Variants in SLC34A1 observed in about 807,000 individuals in gnomAD.
SLC34A1 encodes the protein sodium-dependent phosphate transport protein 2A.
SLC34A1 carries 57 observed loss-of-function variants against 51.4 expected under a neutral mutation model. That is an observed-to-expected ratio of 1.11 (90% CI 0.90 to 1.38). The LOEUF is 1.38. SLC34A1 is among the 40% of genes most tolerant of loss of function. The pLI is 0.00. For missense variants in SLC34A1, 796 were observed against 835.6 expected, an observed-to-expected ratio of 0.95 and a Z score of 0.58; for synonymous variants, 368 against 358.0, an observed-to-expected ratio of 1.03 and a Z score of -0.32.
At position 177,385,673 on chromosome 5, in the gene SLC34A1, G is replaced by A. The variant is rs533877403; in HGVS notation, c.-47-22G>A. ...GAGGGTGTGTGGGCATGAGTGTCCCGGACACAGCTATTGTCATTCAGCGTT... is the reference window on the plus strand; with the variant it reads ...GAGGGTGTGTGGGCATGAGTGTCCCAGACACAGCTATTGTCATTCAGCGTT... On this transcript the variant is annotated intron_variant, in intron 1 of 12. Transcript: ENST00000324417. The A allele has an allele frequency of 2.2e-4, 248 of 1,153,058 alleles. 3 individuals carry two copies. The highest frequency in any genetic ancestry group is 1.1e-3 in the South Asian group (87 of 77,496). 71.4% of individuals were successfully genotyped at this position (1,153,058 alleles called of 1,614,324 possible).
chr5:177,396,990 A>G lies in SLC34A1; in HGVS notation c.1332A>G (p.Thr444=). The G allele has an allele frequency of 1.2e-6, 2 of 1,614,118 alleles. No individual in the cohort carries two copies. Among genetic ancestry groups the G allele is most frequent in the Non-Finnish European group, 1.7e-6 (2 of 1,180,004 alleles). The change falls in exon 12 of 13, where the codon ACA becomes ACG. Residue 444 remains threonine (T), a synonymous_variant. Transcript: ENST00000324417. The surrounding 1 kb of genome is among the most constrained non-coding windows in gnomAD (Gnocchi z 4.0). ...VISIERAYPL[T]LGSNIGTTTT... ...GCATTGAGAGGGCCTACCCGCTCAC[A>G]CTGGGTTCCAACATCGGCACCACCA...
chr5:177,389,828 G>A (rs1349241990), intron 8 of SLC34A1: 11 of 1,502,592 alleles, frequency 7.3e-6, no homozygotes, highest in South Asian at 3.7e-5. Flanking sequence ...TGGGGAGGCC[G>A]CCCTTGGGCC....
At chr5:177,394,269 C>T in intron 10 of SLC34A1, 74 bp downstream of exon 10, 2 of 1,493,254 alleles carry the variant, frequency 1.3e-6, no homozygotes, top group South Asian at 2.3e-5. Flanking sequence ...CTGTGACTGC[C>T]TTGATCTGGG....
At chr5:177,394,688 C>CT (rs34736156) in intron 10 of SLC34A1, among the ~76,000 whole-genome samples, 2,669 of 105,028 alleles carry the variant, frequency 0.025, 51 homozygotes, top group Non-Finnish European at 0.035. Context: ...GAGACTTTGT[C>CT]TTTTTTTTTT....
In SLC34A1 at chr5:177,396,829, C is replaced by G; in HGVS notation, c.1271C>G (p.Ser424Trp). ...FVVQSSSVFTSAITPLIGLGV... is the reference protein window; with the variant it reads ...FVVQSSSVFTWAITPLIGLGV... ...GTCCAGAGCAGTTCTGTGTTCACCT[C>G]GGCCATCACCCCACTCATCGGTGAG... is the stretch of plus-strand genomic sequence containing the variant. The change falls in exon 11 of 13, where the codon TCG becomes TGG. Residue 424 changes from serine to tryptophan, a missense_variant. Physicochemically the swap from Ser to Trp is radical, Grantham distance 177. Transcript: ENST00000324417. This position sits in a 1 kb window ranked among gnomAD's most constrained non-coding sequence, Gnocchi z 4.0. 1.2e-6 allele frequency: 2 copies of G among 1,614,248 alleles called. No homozygotes were observed. The highest frequency in any genetic ancestry group is 1.7e-6 in the Non-Finnish European group (2 of 1,180,054).
intron 1 of SLC34A1, among the ~76,000 whole-genome samples, chr5:177,385,139 G>A (rs922518132): frequency 2.0e-5 from 3 of 152,148 alleles, no homozygotes; most frequent in Admixed American, 2.0e-4. Flanking sequence ...GGGGATCTCC[G>A]TGTGTGCCCA....
Position 177,398,006 on chromosome 5 carries a change from C to A in SLC34A1, c.1640C>A (p.Pro547His), listed in dbSNP as rs1347160045. Residue 547 changes from proline (P) to histidine (H), a missense_variant, in exon 13 of 13, where the codon CCC becomes CAC. By Grantham distance (77) the Pro-to-His change is moderately conservative. Transcript: ENST00000324417. This position sits in a 1 kb window ranked among gnomAD's most constrained non-coding sequence, Gnocchi z 4.7. ...GWQVMVGVGT[P>H]FGALLAFVVL... is the part of the protein sequence containing the mutation. ...CAGGTCATGGTAGGTGTGGGCACGC[C>A]CTTCGGGGCCCTGCTGGCCTTCGTG... 2 of 1,613,958 alleles carry A rather than the reference C, an allele frequency of 1.2e-6. No homozygotes were observed. Among genetic ancestry groups the A allele is most frequent in the Non-Finnish European group, 1.7e-6 (2 of 1,179,992 alleles).
chr5:177,388,957 T>C lies in SLC34A1; in HGVS notation c.936+585T>C, dbSNP rs1762701805. ...AACGTGGGGAAGAGGCAGAGTGCTA[T>C]AAGGATACCAAGGAAAGTAACAGGA... On this transcript the variant is annotated intron_variant, in intron 8 of 12. Transcript: ENST00000324417. This position sits in a 1 kb window ranked among gnomAD's most constrained non-coding sequence, Gnocchi z 4.3. Among the ~76,000 whole-genome samples the C allele has an allele frequency of 6.6e-6, 1 of 152,122 alleles. No individual in the cohort carries two copies. The highest frequency in any genetic ancestry group is 2.4e-5 in the African/African-American group (1 of 41,408).
Position 177,386,696 on chromosome 5 carries a change from C to T in SLC34A1, c.532+130C>T. The T allele has an allele frequency of 9.1e-7, 1 of 1,097,932 alleles. No homozygotes were observed. The highest frequency in any genetic ancestry group is 1.3e-5 in the South Asian group (1 of 77,646). The allele number at this position is 1,097,932 out of a possible 1,614,324, so 68.0% of individuals were successfully genotyped here. On this transcript the variant is annotated intron_variant, in intron 5 of 12. Transcript: ENST00000324417. This position sits in a 1 kb window ranked among gnomAD's most constrained non-coding sequence, Gnocchi z 4.8. ...GCTTGACTCCTGTATCAGCCAGGGA[C>T]ATGAGAGGAGCCCAACTGTAGCTGT...
intron 12 of SLC34A1, chr5:177,397,325 GAAGAGGAAGAGGCACTACAAAAGA>G (rs1763003843): frequency 1.8e-6 from 1 of 543,592 alleles, no homozygotes; most frequent in Non-Finnish European, 3.3e-6. Context: ...TAAGGAAGAG[GAAGAGGAAGAGGCACTACAAAAGA>G]GGGCCTGGAG....
At chr5:177,390,683 G>GT (rs1762771927) in intron 8 of SLC34A1, among the ~76,000 whole-genome samples, 2 of 151,866 alleles carry the variant, frequency 1.3e-5, no homozygotes, top group Admixed American at 1.3e-4. Context: ...CCACCAGGTG[G>GT]TGCTGCTGGC....
intron 12 of SLC34A1, chr5:177,397,459 T>C (rs966441774): frequency 2.7e-5 from 14 of 513,286 alleles, no homozygotes; most frequent in Admixed American, 1.9e-4. Context: ...ACTGACTGAA[T>C]GAGGGTCCAG....
At chr5:177,390,166 G>A in intron 8 of SLC34A1, 5 of 1,010,162 alleles carry the variant, frequency 4.9e-6, no homozygotes, top group Non-Finnish European at 4.7e-6. Context: ...TGCTGGACCT[G>A]AACCAGCCCG....
intron 8 of SLC34A1, among the ~76,000 whole-genome samples, chr5:177,392,105 T>C (rs1023320021): frequency 6.6e-6 from 1 of 152,168 alleles, no homozygotes; most frequent in Non-Finnish European, 1.5e-5. Flanking sequence ...GAAGAGCACA[T>C]TGCCCCATTC....
At position 177,386,041 on chromosome 5, in the gene SLC34A1, T is replaced by C. The variant is rs746337181; in HGVS notation, c.164T>C (p.Val55Ala). The stretch of plus-strand genomic sequence containing the variant: ...TATGCCTTCCCCAGCCTGGGCCCTG[T>C]GGCCCTTGCTGAGCACACCTGCCCC... ...SAYAFPSLGP[V>A]ALAEHTCPCG... Residue 55 changes from valine to alanine, a missense_variant, in exon 3 of 13, where the codon GTG becomes GCG. Physicochemically the swap from Val to Ala is moderately conservative, Grantham distance 64 (BLOSUM62 0). Coordinates refer to ENST00000324417, the MANE Select transcript of SLC34A1 (RefSeq NM_003052.5). This position sits in a 1 kb window ranked among gnomAD's most constrained non-coding sequence, Gnocchi z 4.8. 9 of 1,609,240 alleles carry C rather than the reference T, an allele frequency of 5.6e-6. No homozygotes were observed. The South Asian group carries it at 9.9e-5, about 18-fold the overall frequency.
In SLC34A1 at chr5:177,394,049, C is replaced by G; in HGVS notation, c.1028C>G (p.Thr343Ser). The change falls in exon 10 of 13, where the codon ACT (threonine) becomes AGT (serine). Residue 343 changes from threonine to serine, a missense_variant. Physicochemically the swap from Thr to Ser is moderately conservative, Grantham distance 58. Coordinates refer to ENST00000324417, the MANE Select transcript of SLC34A1 (RefSeq NM_003052.5). ...MEKCNHIFVD[T>S]GLPDLAVGLI... is the part of the protein sequence containing the mutation. ...GCAGGCAACCACATCTTTGTGGACA[C>G]TGGCCTACCGGACCTGGCTGTGGGG... 1 of 1,614,072 alleles carries G rather than the reference C, an allele frequency of 6.2e-7. No homozygotes were observed. The highest frequency in any genetic ancestry group is 8.5e-7 in the Non-Finnish European group (1 of 1,180,048).
At chr5:177,389,925 G>A in intron 8 of SLC34A1, 1 of 1,421,040 alleles carries the variant, frequency 7.0e-7, no homozygotes, top group Non-Finnish European at 9.2e-7. Context: ...GCTTTCTGCA[G>A]GGCAGGGTCT....
chr5:177,390,587 G>A, intron 8 of SLC34A1: 1 of 166,080 alleles, frequency 6.0e-6, no homozygotes, highest in Non-Finnish European at 1.2e-5. Context: ...TGCCCATCAG[G>A]CCTGAAGGCC....
At chr5:177,390,567 C>T (rs1316662861) in intron 8 of SLC34A1, 4 of 189,554 alleles carry the variant, frequency 2.1e-5, no homozygotes, top group Non-Finnish European at 2.9e-5. Flanking sequence ...TGTATGTCTG[C>T]TTCCCATGCT....
Sources: gnomAD v4.1 joint callset for allele counts (sites outside exome capture counted in the v4.1 genomes callset) on GRCh38, gnomAD v4.1.1 for gene constraint, Gnocchi (gnomAD v3.1) non-coding constraint, MANE v1.5 for transcripts, NCBI Gene and HGNC (gene_info 2026-07-23, HGNC 2026-07-21) for gene names.